The following OR2J3 variants were observed in gnomAD, a reference collection of about 807,000 sequenced individuals.
The protein encoded by OR2J3 is olfactory receptor 2J3.
OR2J3 carries 13 observed loss-of-function variants against 18.5 expected under a neutral mutation model. That is an observed-to-expected ratio of 0.70 (90% CI 0.46 to 1.12). The LOEUF (loss-of-function observed/expected upper bound fraction) is 1.12. OR2J3 is among the 50% of genes most tolerant of loss of function. The pLI is 0.00. For synonymous variants in OR2J3, 142 were observed against 140.6 expected, an observed-to-expected ratio of 1.01 and a Z score of -0.07; for missense variants, 321 against 371.6, an observed-to-expected ratio of 0.86 and a Z score of 1.12.
intron 3 of OR2J3, 107 bp downstream of exon 3, chr6:29,108,982 A>G (rs1041006923): frequency 2.6e-5 from 4 of 152,168 alleles, no homozygotes; most frequent in African/African-American, 9.7e-5. Context: ...TCACAGCTAA[A>G]TGTTGTTTTA....
rs1301360123 is a variant in OR2J3, at chr6:29,108,853, T to A, written c.-33T>A. 1.3e-5 allele frequency: 2 copies of A among 152,250 alleles called. No homozygotes were observed. Among genetic ancestry groups the A allele is most frequent in the African/African-American group, 4.8e-5 (2 of 41,472 alleles). 9.4% of individuals were successfully genotyped at this position (152,250 alleles called of 1,614,324 possible). A position where few individuals can be genotyped will look rare whatever the true frequency, so the allele number is the denominator to read the frequency against. ...AAGAAAATTAACCCAGAAAAATTCC[T>A]ACCTTTTCCTTGCTTGCATCTGGTA... On this transcript the variant is annotated 5_prime_UTR_variant, in exon 3 of 4. Transcript: ENST00000641151.
At chr6:29,109,351 T>G (rs918158741) in intron 3 of OR2J3, 2 of 152,222 alleles carry the variant, frequency 1.3e-5, no homozygotes, top group Non-Finnish European at 2.9e-5. Context: ...TTACCAAGTC[T>G]GTTAAAAGGT....
intron 3 of OR2J3, 48 bp from the exon 4 acceptor site, chr6:29,111,833 C>T: frequency 6.6e-7 from 1 of 1,516,214 alleles, no homozygotes; most frequent in Non-Finnish European, 8.8e-7. Context: ...ATTTTTGGAT[C>T]ATTTGTTTAC....
rs1266797320 is a variant in OR2J3, at chr6:29,113,445, G to C, written c.*619G>C. The C allele has an allele frequency of 6.6e-6, 1 of 152,144 alleles. No homozygotes were observed. Among genetic ancestry groups the C allele is most frequent in the Admixed American group, 6.5e-5 (1 of 15,268 alleles). 9.4% of individuals were successfully genotyped at this position (152,144 alleles called of 1,614,324 possible). A position where few individuals can be genotyped will look rare whatever the true frequency, so the allele number is the denominator to read the frequency against. ...CTTTGAAACAGTATAGCAGAAGTCA[G>C]CATCTGAGATCCCTCTTTTTTGCAA... On this transcript the variant is annotated 3_prime_UTR_variant, in exon 4 of 4. Transcript: ENST00000641151.
rs922588380 is a variant in OR2J3, at chr6:29,113,973, C to T, written c.*1147C>T. 6.6e-6 allele frequency: 1 copy of T among 152,078 alleles called. No homozygotes were observed. Among genetic ancestry groups the T allele is most frequent in the African/African-American group, 2.4e-5 (1 of 41,410 alleles). The allele number at this position is 152,078 out of a possible 1,614,324, so 9.4% of individuals were successfully genotyped here. A position where few individuals can be genotyped will look rare whatever the true frequency, so the allele number is the denominator to read the frequency against. ...TAAAGGAGAATTCAGTATAAAGTAACGTACTTGCAATGCCTGAGTTTTCTC... is the reference window on the plus strand; with the variant it reads ...TAAAGGAGAATTCAGTATAAAGTAATGTACTTGCAATGCCTGAGTTTTCTC... On this transcript the variant is annotated 3_prime_UTR_variant, in exon 4 of 4. Coordinates refer to ENST00000641151, the MANE Select transcript of OR2J3 (RefSeq NM_001005216.4).
intron 3 of OR2J3, chr6:29,111,646 G>C (rs191333942): frequency 4.2e-6 from 2 of 473,210 alleles, no homozygotes; most frequent in Non-Finnish European, 7.3e-6. Context: ...GGGATCTACT[G>C]TAAGGAATAG....
In OR2J3 at chr6:29,112,973, T is replaced by A; in HGVS notation, c.*147T>A. 3 of 946,800 alleles carry A rather than the reference T, an allele frequency of 3.2e-6. No individual in the cohort carries two copies. Among genetic ancestry groups the A allele is most frequent in the African/African-American group, 3.3e-5 (2 of 60,616 alleles). 58.6% of individuals were successfully genotyped at this position (946,800 alleles called of 1,614,324 possible). On this transcript the variant is annotated 3_prime_UTR_variant, in exon 4 of 4. Transcript: ENST00000641151. ...TCTAACAAGGTCGTGGAGTTCCTGG[T>A]AACAGGTAGGAATAAAACACAGTCA...
In OR2J3 at chr6:29,112,189, G is replaced by T. The variant is rs777171444; in HGVS notation, c.299G>T (p.Cys100Phe). The T allele has an allele frequency of 1.2e-6, 2 of 1,614,134 alleles. No individual in the cohort carries two copies. Among genetic ancestry groups the T allele is most frequent in the Non-Finnish European group, 1.7e-6 (2 of 1,180,028 alleles). The change falls in exon 4 of 4, where the codon TGC (cysteine) becomes TTC (phenylalanine). Residue 100 changes from cysteine (C) to phenylalanine (F), a missense_variant. Transcript: ENST00000641151. ...GPEKTISYAGCMIQLYFVLAL... is the reference protein window; with the variant it reads ...GPEKTISYAGFMIQLYFVLAL... ...GAAAAGACCATCTCTTATGCTGGTT[G>T]CATGATTCAACTTTACTTTGTTCTC...
At position 29,114,483 on chromosome 6, in the gene OR2J3, A is replaced by T. The variant is rs542163204; in HGVS notation, c.*1657A>T. 7.2e-6 allele frequency: 1 copy of T among 139,774 alleles called. No individual in the cohort carries two copies. The highest frequency in any genetic ancestry group is 1.5e-5 in the Non-Finnish European group (1 of 64,562). The allele number at this position is 139,774 out of a possible 1,614,324, so 8.7% of individuals were successfully genotyped here. A position where few individuals can be genotyped will look rare whatever the true frequency, so the allele number is the denominator to read the frequency against. On this transcript the variant is annotated 3_prime_UTR_variant, in exon 4 of 4. Transcript: ENST00000641151. ...TCTTTATTAAGGATAAGTGAAAAAAATGTATTTATTTATAATATACAGCAT... is the reference window on the plus strand; with the variant it reads ...TCTTTATTAAGGATAAGTGAAAAAATTGTATTTATTTATAATATACAGCAT...
intron 3 of OR2J3, among the ~76,000 whole-genome samples, chr6:29,110,723 A>G (rs553678879): frequency 1.0e-3 from 156 of 152,268 alleles, no homozygotes; most frequent in Non-Finnish European, 1.2e-3. Context: ...TTATTATGGT[A>G]AAATTTCAAA....
rs1562547706 is a variant in OR2J3 at position 29,112,147 on chromosome 6, T to C, written c.257T>C (p.Val86Ala). The change falls in exon 4 of 4, where the codon GTC becomes GCC. Residue 86 changes from valine (V) to alanine (A), a missense_variant. Val to Ala is a moderately conservative substitution (Grantham distance 64, BLOSUM62 0). Transcript: ENST00000641151. ...YTTSSIPQLL[V>A]NLWGPEKTIS... ...ACCAGCTCTATCCCTCAGTTGCTGG[T>C]CAATCTCTGGGGCCCGGAAAAGACC... The C allele has an allele frequency of 1.2e-6, 2 of 1,614,132 alleles. No individual in the cohort carries two copies. The highest frequency in any genetic ancestry group is 1.7e-6 in the Non-Finnish European group (2 of 1,180,028).
chr6:29,112,157 G>T lies in OR2J3; in HGVS notation c.267G>T (p.Trp89Cys), dbSNP rs753753567. 6.2e-7 allele frequency: 1 copy of T among 1,613,984 alleles called. No individual in the cohort carries two copies. Among genetic ancestry groups the T allele is most frequent in the East Asian group, 2.2e-5 (1 of 44,872 alleles). The change falls in exon 4 of 4, where the codon TGG becomes TGT. Residue 89 changes from tryptophan to cysteine, a missense_variant. Trp to Cys is a radical substitution (Grantham distance 215). Transcript: ENST00000641151. ...TCCCTCAGTTGCTGGTCAATCTCTGGGGCCCGGAAAAGACCATCTCTTATG... is the reference window on the plus strand; with the variant it reads ...TCCCTCAGTTGCTGGTCAATCTCTGTGGCCCGGAAAAGACCATCTCTTATG... ...SSIPQLLVNL[W>C]GPEKTISYAG... is the part of the protein sequence containing the mutation.
chr6:29,110,061 A>G (rs1762069417), intron 3 of OR2J3, among the ~76,000 whole-genome samples: 1 of 152,020 alleles, frequency 6.6e-6, no homozygotes, highest in South Asian at 2.1e-4. Context: ...GTTCTCCTCC[A>G]TTTTCCTGCC....
At position 29,112,177 on chromosome 6, in the gene OR2J3, C is replaced by T; in HGVS notation, c.287C>T (p.Ser96Phe). The change falls in exon 4 of 4, where the codon TCT (serine) becomes TTT (phenylalanine). Residue 96 changes from serine to phenylalanine, a missense_variant. Physicochemically the swap from Ser to Phe is radical, Grantham distance 155. Coordinates refer to ENST00000641151, the MANE Select transcript of OR2J3 (RefSeq NM_001005216.4). ...VNLWGPEKTISYAGCMIQLYF... is the reference protein window; with the variant it reads ...VNLWGPEKTIFYAGCMIQLYF... ...CTCTGGGGCCCGGAAAAGACCATCTCTTATGCTGGTTGCATGATTCAACTT... is the reference window on the plus strand; with the variant it reads ...CTCTGGGGCCCGGAAAAGACCATCTTTTATGCTGGTTGCATGATTCAACTT... The T allele has an allele frequency of 6.2e-7, 1 of 1,614,162 alleles. No homozygotes were observed. The highest frequency in any genetic ancestry group is 8.5e-7 in the Non-Finnish European group (1 of 1,180,012).
Position 29,112,978 on chromosome 6 carries a change from G to A in OR2J3, c.*152G>A. 2.2e-6 allele frequency: 2 copies of A among 900,492 alleles called. No homozygotes were observed. Among genetic ancestry groups the A allele is most frequent in the Non-Finnish European group, 3.3e-6 (2 of 613,870 alleles). 55.8% of individuals were successfully genotyped at this position (900,492 alleles called of 1,614,324 possible). On this transcript the variant is annotated 3_prime_UTR_variant, in exon 4 of 4. Transcript: ENST00000641151. ...CAAGGTCGTGGAGTTCCTGGTAACA[G>A]GTAGGAATAAAACACAGTCAGCCTA... is the stretch of plus-strand genomic sequence containing the variant.
intron 3 of OR2J3, among the ~76,000 whole-genome samples, 163 bp downstream of exon 3, chr6:29,109,038 A>C (rs901050508): frequency 6.6e-6 from 1 of 152,158 alleles, no homozygotes; most frequent in Non-Finnish European, 1.5e-5. Context: ...AAAGAAGAAA[A>C]TTTTATCTGC....
In OR2J3 at chr6:29,112,758, C is replaced by T; in HGVS notation, c.868C>T (p.Pro290Ser). Residue 290 changes from proline to serine, a missense_variant, in exon 4 of 4, where the codon CCT becomes TCT. Coordinates refer to ENST00000641151, the MANE Select transcript of OR2J3 (RefSeq NM_001005216.4). ...TACTGTTGTCACACCTAGTCTTAAC[C>T]CTCTAATCTACACCCTCAGAAACAA... ...FYTVVTPSLN[P>S]LIYTLRNKVV... 6.2e-7 allele frequency: 1 copy of T among 1,612,918 alleles called. No individual in the cohort carries two copies. The highest frequency in any genetic ancestry group is 1.1e-5 in the South Asian group (1 of 90,936).
Position 29,111,945 on chromosome 6 carries a change from G to A in OR2J3, c.55G>A (p.Gly19Arg). ...CTCTGAGGGGTACTTTATTTTAGTT[G>A]GATTTTCTAATTGGCCTCATCTGGA... The part of the protein sequence containing the change: ...ASSEGYFILV[G>R]FSNWPHLEVV... The change falls in exon 4 of 4, where the codon GGA (glycine) becomes AGA (arginine). Residue 19 changes from glycine (G) to arginine (R), a missense_variant. Transcript: ENST00000641151. 1.2e-6 allele frequency: 2 copies of A among 1,613,778 alleles called. No individual in the cohort carries two copies. Among genetic ancestry groups the A allele is most frequent in the South Asian group, 2.2e-5 (2 of 91,062 alleles).
rs1762170602 is a variant in OR2J3 at position 29,112,363 on chromosome 6, A to T, written c.473A>T (p.Asn158Ile). Residue 158 changes from asparagine to isoleucine, a missense_variant, in exon 4 of 4, where the codon AAC (asparagine) becomes ATC (isoleucine). Transcript: ENST00000641151. ...GCTTCTTGGGTAAGTGGTTTTACCAACTCAGCACTTCATTCCTCCTTCACC... is the reference window on the plus strand; with the variant it reads ...GCTTCTTGGGTAAGTGGTTTTACCATCTCAGCACTTCATTCCTCCTTCACC... ...AVASWVSGFT[N>I]SALHSSFTFW... The T allele has an allele frequency of 6.2e-7, 1 of 1,613,868 alleles. No individual in the cohort carries two copies. Among genetic ancestry groups the T allele is most frequent in the African/African-American group, 1.3e-5 (1 of 74,864 alleles).
Sources: allele counts gnomAD v4.1 joint callset (sites outside exome capture counted in the v4.1 genomes callset), GRCh38; gene constraint gnomAD v4.1.1; transcripts MANE v1.5; gene names NCBI Gene and HGNC (gene_info 2026-07-23, HGNC 2026-07-21).